Variants in BCR observed in about 807,000 individuals in gnomAD.
BCR encodes BCR activator of RhoGEF and GTPase.
In BCR, 58 loss-of-function variants were observed where a neutral mutation model predicts 138.6. The ratio of observed to expected loss-of-function variants is 0.42; its 90% CI spans 0.34 to 0.52. The LOEUF (loss-of-function observed/expected upper bound fraction) is 0.52, where lower values mean the gene tolerates loss of function less well. Ranked by LOEUF, BCR falls within the 20% of genes least tolerant of loss-of-function variation. The probability of loss-of-function intolerance (pLI) is 0.06; values close to 1 mark genes in which losing one functional copy is unlikely to be tolerated. For synonymous variants in BCR, 786 were observed against 730.1 expected, an observed-to-expected ratio of 1.08 and a Z score of -1.23; for missense variants, 1,599 against 1,727.2, an observed-to-expected ratio of 0.93 and a Z score of 1.32.
chr22:23,271,584 C>G lies in BCR; in HGVS notation c.1913C>G (p.Ser638Cys), dbSNP rs749198767. Reference sequence around the variant, plus strand: ...GCCAAGGATCCAACGACCAAGAACTCTCTGGAAAGTGAGTTCTGCATGCTG... The same window carrying G: ...GCCAAGGATCCAACGACCAAGAACTGTCTGGAAAGTGAGTTCTGCATGCTG... ...KDAKDPTTKN[S>C]LETLLYKPVD... Residue 638 changes from serine (S) to cysteine (C), a missense_variant, in exon 6 of 23, where the codon TCT becomes TGT. By Grantham distance (112) the Ser-to-Cys change is moderately radical (BLOSUM62 -1). Around this residue, in one of 4 missense-constraint regions of BCR, gnomAD observed 590 missense variants for 762.4 expected, o/e 0.77. Coordinates refer to ENST00000305877, the MANE Select transcript of BCR (RefSeq NM_004327.4). 6.2e-7 allele frequency: 1 copy of G among 1,613,992 alleles called. No individual in the cohort carries two copies. Among genetic ancestry groups the G allele is most frequent in the Non-Finnish European group, 8.5e-7 (1 of 1,179,972 alleles).
chr22:23,201,237 G>A (rs1014279959), intron 1 of BCR, among the ~76,000 whole-genome samples: 13 of 152,220 alleles, frequency 8.5e-5, no homozygotes, highest in African/African-American at 2.7e-4. Context: ...GGTCTCCTCA[G>A]GCTGCAGTTG....
At chr22:23,272,855 G>C (rs142514267) in intron 6 of BCR, among the ~76,000 whole-genome samples, 2,352 of 152,276 alleles carry the variant, frequency 0.015, 85 homozygotes, top group Non-Finnish European at 0.015. Flanking sequence ...CAGCCATGCA[G>C]GCTCGGGTCT....
At chr22:23,203,886 A>G (rs376348711) in intron 1 of BCR, among the ~76,000 whole-genome samples, 3 of 152,292 alleles carry the variant, frequency 2.0e-5, no homozygotes, top group South Asian at 4.1e-4. Context: ...GCTCCAAGGA[A>G]GCAGAAGGCC....
intron 1 of BCR, among the ~76,000 whole-genome samples, chr22:23,222,967 G>C (rs1057070879): frequency 1.3e-5 from 2 of 152,188 alleles, no homozygotes; most frequent in Admixed American, 1.3e-4. Flanking sequence ...TTACATGTTA[G>C]ATAAGGGCTC....
intron 1 of BCR, among the ~76,000 whole-genome samples, chr22:23,250,493 A>G (rs796873513): frequency 1.4e-4 from 21 of 152,334 alleles, no homozygotes; most frequent in African/African-American, 5.1e-4. Context: ...CCGACCAAAA[A>G]CAAAACTAAG....
intron 1 of BCR, among the ~76,000 whole-genome samples, chr22:23,214,982 A>AACTCTCT (rs1438256099): frequency 3.3e-5 from 5 of 152,074 alleles, no homozygotes; most frequent in African/African-American, 1.2e-4. Flanking sequence ...GCCAGTAAAC[A>AACTCTCT]ACTCTCTACT....
intron 12 of BCR, among the ~76,000 whole-genome samples, chr22:23,288,557 A>T (rs537467833): frequency 4.7e-4 from 57 of 121,092 alleles, no homozygotes; most frequent in African/African-American, 1.4e-3. Context: ...CCCTGCCACC[A>T]CCCCATTTTC....
intron 3 of BCR, 42 bp downstream of exon 3, chr22:23,261,096 G>A (rs752375839): frequency 1.3e-6 from 2 of 1,577,558 alleles, no homozygotes; most frequent in South Asian, 2.2e-5. Context: ...GGATGGGGCA[G>A]GGTGACAGGG....
intron 1 of BCR, among the ~76,000 whole-genome samples, chr22:23,193,047 C>T (rs1054544950): frequency 3.3e-5 from 5 of 152,112 alleles, no homozygotes; most frequent in Non-Finnish European, 7.4e-5. Context: ...TTGAGCAGCC[C>T]GGGGAGATCC....
intron 2 of BCR, 144 bp from the exon 3 acceptor site, chr22:23,260,806 C>A: frequency 1.3e-6 from 1 of 767,460 alleles, no homozygotes; most frequent in Non-Finnish European, 2.3e-6. Context: ...GGGTCCCCTG[C>A]CTCCCTTTAA....
rs140955747 is a variant in BCR at position 23,189,235 on chromosome 22, G to A, written c.1279+6996G>A. ...TCAGTGGCATTAAGTACATCACCTT[G>A]TTTTGCAACCATCACCACTTGTCAA... On this transcript the variant is annotated intron_variant, in intron 1 of 22. Coordinates refer to ENST00000305877, the MANE Select transcript of BCR (RefSeq NM_004327.4). Among the ~76,000 whole-genome samples the A allele has an allele frequency of 1.7e-3, 255 of 152,274 alleles. 2 individuals carry two copies. The highest frequency in any genetic ancestry group is 5.8e-3 in the African/African-American group (241 of 41,552).
Position 23,305,864 on chromosome 22 carries a change from C to T in BCR, c.3013-3560C>T, listed in dbSNP as rs2073949899. 5.3e-5 allele frequency among the ~76,000 whole-genome samples: 8 copies of T among 152,328 alleles called. No individual in the cohort carries two copies. The South Asian group carries it at 1.7e-3, about 32-fold the overall frequency. The stretch of plus-strand genomic sequence containing the variant: ...TGCAACCCAGGGGGACCCTGGACAG[C>T]ATCCGGAGTGCCTCGGTTTTTCCCT... On this transcript the variant is annotated intron_variant, in intron 16 of 22. Coordinates refer to ENST00000305877, the MANE Select transcript of BCR (RefSeq NM_004327.4).
At chr22:23,283,867 A>G (rs2073678252) in intron 8 of BCR, 110 bp from the exon 9 acceptor site, 4 of 1,386,818 alleles carry the variant, frequency 2.9e-6, no homozygotes, top group Middle Eastern at 2.6e-4. Flanking sequence ...AAATCTTCCC[A>G]GGGAGAGAAT....
Position 23,180,898 on chromosome 22 carries a change from C to T in BCR, c.-63C>T. 1 of 967,436 alleles carries T rather than the reference C, an allele frequency of 1.0e-6. No individual in the cohort carries two copies. The highest frequency in any genetic ancestry group is 1.2e-6 in the Non-Finnish European group (1 of 811,824). The allele number at this position is 967,436 out of a possible 1,614,324, so 59.9% of individuals were successfully genotyped here. The stretch of plus-strand genomic sequence containing the variant: ...CGCCCGGGGCCGGGCTGGCGAGGCG[C>T]CGCGCCGCCGCTGAGACGGGCCCCG... On this transcript the variant is annotated 5_prime_UTR_variant, in exon 1 of 23. Transcript: ENST00000305877.
rs182633697 is a variant in BCR at position 23,233,585 on chromosome 22, C to T, written c.1280-20214C>T. ...AATGAATCATTTGAGGTCAAGAGTT[C>T]GAGACCAGCCTGGCTAACATGGTGA... On this transcript the variant is annotated intron_variant, in intron 1 of 22. Coordinates refer to ENST00000305877, the MANE Select transcript of BCR (RefSeq NM_004327.4). Among the ~76,000 whole-genome samples, 737 of 152,106 alleles carry T rather than the reference C, an allele frequency of 4.8e-3. 8 individuals carry two copies. The highest frequency in any genetic ancestry group is 0.017 in the African/African-American group (701 of 41,482).
chr22:23,232,719 C>A (rs778925247), intron 1 of BCR, among the ~76,000 whole-genome samples: 1 of 152,236 alleles, frequency 6.6e-6, no homozygotes, highest in Non-Finnish European at 1.5e-5. Context: ...CCATCTGCCT[C>A]CTCCTTCAGG....
intron 1 of BCR, among the ~76,000 whole-genome samples, chr22:23,225,547 G>A (rs539777406): frequency 2.6e-5 from 4 of 152,360 alleles, no homozygotes; most frequent in South Asian, 2.1e-4. Flanking sequence ...ATCAGGACAC[G>A]GGTATGGGGG....
intron 1 of BCR, among the ~76,000 whole-genome samples, chr22:23,238,793 G>GTAT (rs1393576657): frequency 3.8e-3 from 578 of 152,074 alleles, no homozygotes; most frequent in Middle Eastern, 0.02. Context: ...CCCCAGGACT[G>GTAT]ACCCAGAGCT....
chr22:23,221,942 T>A (rs751335073), intron 1 of BCR, among the ~76,000 whole-genome samples: 4 of 151,806 alleles, frequency 2.6e-5, no homozygotes, highest in Non-Finnish European at 5.9e-5. Context: ...AGACAAAAAA[T>A]TAGCTGGGCG....
Sources: allele counts gnomAD v4.1 joint callset (sites outside exome capture counted in the v4.1 genomes callset), GRCh38; gene constraint gnomAD v4.1.1; regional missense constraint gnomAD v4.1.1; transcripts MANE v1.5; gene names NCBI Gene and HGNC (gene_info 2026-07-23, HGNC 2026-07-21).